ZNF774: variants seen among roughly 807,000 people sequenced by gnomAD.
ZNF774 encodes the protein zinc finger protein 774.
In ZNF774, 14 loss-of-function variants were observed where a neutral mutation model predicts 11.1. That is an observed-to-expected ratio of 1.26 (90% CI 0.83 to 1.97). ZNF774 has a LOEUF of 1.97. ZNF774 is among the 30% of genes most tolerant of loss of function. The pLI, the probability that ZNF774 is intolerant of heterozygous loss-of-function variation, is 0.00. For synonymous variants in ZNF774, 195 were observed against 212.6 expected (o/e 0.92, Z 0.72); for missense variants, 599 against 587.0 (o/e 1.02, Z -0.21).
At position 90,361,145 on chromosome 15, in the gene ZNF774, GA is replaced by G. The variant is rs1261643023; in HGVS notation, c.1315del (p.Thr439ProfsTer44). 6.2e-7 allele frequency: 1 copy of G among 1,613,880 alleles called. No individual in the cohort carries two copies. The highest frequency in any genetic ancestry group is 1.3e-5 in the African/African-American group (1 of 74,912). On this transcript the variant is annotated frameshift_variant, in exon 4 of 4. Coordinates refer to ENST00000354377, the MANE Select transcript of ZNF774 (RefSeq NM_001004309.3). LOFTEE classifies it low-confidence loss of function (END_TRUNC). ...RPYRCPECGKTFNQRSHFLTH... is the reference protein window; with the variant it reads ...RPYRCPECGKXFNQRSHFLTH... ...CCTATCGATGTCCTGAGTGTGGCAA[GA>G]CCTTCAATCAGCGTTCCCATTTCCT...
At chr15:90,356,879 A>T (rs1964256258) in intron 2 of ZNF774, among the ~76,000 whole-genome samples, 1 of 152,152 alleles carries the variant, frequency 6.6e-6, no homozygotes, top group African/African-American at 2.4e-5. Flanking sequence ...AGGCAGGAGG[A>T]TCCCTTCAGC....
rs1315637559 is a variant in ZNF774 at position 90,361,204 on chromosome 15, C to T, written c.1373C>T (p.Pro458Leu). ...CAGAGAACGCATACAGGAGAAAAAC[C>T]TTTCCACTGTAGTAAATGTAACAAG... Reference protein sequence around the residue: ...THQRTHTGEKPFHCSKCNKSF... With the variant: ...THQRTHTGEKLFHCSKCNKSF... Residue 458 changes from proline (P) to leucine (L), a missense_variant, in exon 4 of 4, where the codon CCT becomes CTT. Physicochemically the swap from Pro to Leu is moderately conservative, Grantham distance 98. Transcript: ENST00000354377. The T allele has an allele frequency of 3.1e-6, 5 of 1,613,994 alleles. No individual in the cohort carries two copies. The African/African-American group carries it at 5.3e-5, about 17-fold the overall frequency.
At chr15:90,358,380 G>T (rs187470204) in intron 2 of ZNF774, among the ~76,000 whole-genome samples, 1 of 152,294 alleles carries the variant, frequency 6.6e-6, no homozygotes, top group Non-Finnish European at 1.5e-5. Context: ...TTATAGTGAG[G>T]TTAAACATTT....
At position 90,360,987 on chromosome 15, in the gene ZNF774, G is replaced by A. The variant is rs530118133; in HGVS notation, c.1156G>A (p.Asp386Asn). The change falls in exon 4 of 4, where the codon GAC (aspartate) becomes AAC (asparagine). Residue 386 changes from aspartate (D) to asparagine (N), a missense_variant. Transcript: ENST00000354377. ...KCENCGKGFA[D>N]SSALIKHQRI... ...CGAAAACTGTGGGAAAGGATTCGCC[G>A]ACAGCTCCGCCCTCATTAAGCACCA... 8 of 1,614,078 alleles carry A rather than the reference G, an allele frequency of 5.0e-6. No homozygotes were observed. In the African/African-American group the frequency reaches 6.7e-5, roughly 13 times the overall value.
chr15:90,354,075 TAAAA>T (rs11333989), intron 1 of ZNF774, among the ~76,000 whole-genome samples: 26 of 150,870 alleles, frequency 1.7e-4, no homozygotes, highest in Admixed American at 4.6e-4. Flanking sequence ...TTCTTTTTTT[TAAAA>T]AAAAAATGTC....
chr15:90,352,502 G>T (rs1964187119), intron 1 of ZNF774, 91 bp downstream of exon 1: 1 of 152,446 alleles, frequency 6.6e-6, no homozygotes, highest in African/African-American at 2.4e-5. Flanking sequence ...CGTTTTCTCA[G>T]CGGGGTTCCC....
Position 90,361,250 on chromosome 15 carries a change from T to C in ZNF774, c.1419T>C (p.His473=), listed in dbSNP as rs1964332608. 6.2e-7 allele frequency: 1 copy of C among 1,608,504 alleles called. No individual in the cohort carries two copies. Among genetic ancestry groups the C allele is most frequent in the Non-Finnish European group, 8.5e-7 (1 of 1,176,782 alleles). Residue 473 remains histidine (H), a synonymous_variant, in exon 4 of 4, where the codon CAT becomes CAC. Coordinates refer to ENST00000354377, the MANE Select transcript of ZNF774 (RefSeq NM_001004309.3). The part of the protein sequence containing the change: ...KCNKSFRQKA[H]LLCHQNTHLI ...ACAAGAGCTTCCGTCAGAAAGCGCA[T>C]CTTTTATGCCATCAAAACACCCATT...
Position 90,354,570 on chromosome 15 carries a change from A to C in ZNF774, c.-19-72A>C, listed in dbSNP as rs1447180765. The C allele has an allele frequency of 1.2e-5, 13 of 1,057,924 alleles. No homozygotes were observed. The Admixed American group carries it at 1.8e-4, about 15-fold the overall frequency. 65.5% of individuals were successfully genotyped at this position (1,057,924 alleles called of 1,614,324 possible). A position where few individuals can be genotyped will look rare whatever the true frequency, so the allele number is the denominator to read the frequency against. Reference sequence around the variant, plus strand: ...GGGTTGTTTGTGTACACTGGTGGCCATTTTTTGGCTTTCAGACAATGGTGA... The same window carrying C: ...GGGTTGTTTGTGTACACTGGTGGCCCTTTTTTGGCTTTCAGACAATGGTGA... On this transcript the variant is annotated intron_variant, in intron 1 of 3. Transcript: ENST00000354377.
Position 90,361,499 on chromosome 15 carries a change from T to C in ZNF774, c.*216T>C, listed in dbSNP as rs1250749016. 1 of 1,326,430 alleles carries C rather than the reference T, an allele frequency of 7.5e-7. No individual in the cohort carries two copies. The highest frequency in any genetic ancestry group is 1.5e-5 in the African/African-American group (1 of 67,968). The allele number at this position is 1,326,430 out of a possible 1,614,324, so 82.2% of individuals were successfully genotyped here. A position where few individuals can be genotyped will look rare whatever the true frequency, so the allele number is the denominator to read the frequency against. ...CATTCCTTCAGTGTGTGACTGACTCTTAGGGAAATGTGAGTTTAATAGTTG... is the reference window on the plus strand; with the variant it reads ...CATTCCTTCAGTGTGTGACTGACTCCTAGGGAAATGTGAGTTTAATAGTTG... On this transcript the variant is annotated 3_prime_UTR_variant, in exon 4 of 4. Coordinates refer to ENST00000354377, the MANE Select transcript of ZNF774 (RefSeq NM_001004309.3).
intron 2 of ZNF774, among the ~76,000 whole-genome samples, chr15:90,356,974 T>C (rs1964257655): frequency 6.6e-6 from 1 of 151,266 alleles, no homozygotes; most frequent in African/African-American, 2.5e-5. Flanking sequence ...CACCAGGTTG[T>C]GATAAACATC....
Position 90,360,905 on chromosome 15 carries a change from G to C in ZNF774, c.1074G>C (p.Gln358His), listed in dbSNP as rs1394724449. The change falls in exon 4 of 4, where the codon CAG (glutamine) becomes CAC (histidine). Residue 358 changes from glutamine to histidine, a missense_variant. Physicochemically the swap from Gln to His is conservative, Grantham distance 24. Coordinates refer to ENST00000354377, the MANE Select transcript of ZNF774 (RefSeq NM_001004309.3). ...SCPDCHKSFS[Q>H]SSHLVTHQRT... ...CTGACTGCCACAAAAGCTTCAGTCA[G>C]AGCTCACATTTGGTCACGCACCAAA... 1 of 1,614,088 alleles carries C rather than the reference G, an allele frequency of 6.2e-7. No individual in the cohort carries two copies.
chr15:90,359,114 G>A (rs547057122), intron 3 of ZNF774, among the ~76,000 whole-genome samples, 157 bp downstream of exon 3: 16 of 143,816 alleles, frequency 1.1e-4, no homozygotes, highest in Admixed American at 9.3e-4. Context: ...CGCCCAGGCC[G>A]GACTGCGGAC....
At chr15:90,353,788 G>A (rs527727465) in intron 1 of ZNF774, among the ~76,000 whole-genome samples, 88 of 152,184 alleles carry the variant, frequency 5.8e-4, no homozygotes, top group South Asian at 3.9e-3. Flanking sequence ...TGTAGAGAAA[G>A]AGGTCTCAAT....
intron 1 of ZNF774, 176 bp from the exon 2 acceptor site, chr15:90,354,466 G>A (rs80040511): frequency 0.015 from 8,701 of 566,404 alleles, 362 homozygotes; most frequent in East Asian, 0.13. Flanking sequence ...AGGAGAAGAC[G>A]TATGTAAAAA....
At chr15:90,358,497 C>T (rs1384303282) in intron 2 of ZNF774, among the ~76,000 whole-genome samples, 1 of 152,122 alleles carries the variant, frequency 6.6e-6, no homozygotes, top group Non-Finnish European at 1.5e-5. Flanking sequence ...AGTTAACTTC[C>T]TTCATTGTTT....
intron 1 of ZNF774, among the ~76,000 whole-genome samples, chr15:90,354,232 T>C (rs1964213825): frequency 6.6e-6 from 1 of 152,198 alleles, no homozygotes; most frequent in Non-Finnish European, 1.5e-5. Context: ...CCATAACTAA[T>C]ATGAGTATAG....
rs59687959 is a variant in ZNF774 at position 90,362,748 on chromosome 15, TACACACACACAC to T, written c.*1492_*1503del. The T allele has an allele frequency of 5.9e-3, 2,859 of 488,650 alleles. 8 individuals carry two copies. Among genetic ancestry groups the T allele is most frequent in the African/African-American group, 0.022 (1,112 of 50,656 alleles). 30.3% of individuals were successfully genotyped at this position (488,650 alleles called of 1,614,324 possible). On this transcript the variant is annotated 3_prime_UTR_variant, in exon 4 of 4. Transcript: ENST00000354377. ...CAAGGTTGTTGTGAGGATCTAAAAA[TACACACACACAC>T]ACACACACACACACACACACACACA...
In ZNF774 at chr15:90,361,496, C is replaced by T; in HGVS notation, c.*213C>T. The T allele has an allele frequency of 7.5e-7, 1 of 1,331,398 alleles. No individual in the cohort carries two copies. Among genetic ancestry groups the T allele is most frequent in the Non-Finnish European group, 9.6e-7 (1 of 1,042,914 alleles). The allele number at this position is 1,331,398 out of a possible 1,614,324, so 82.5% of individuals were successfully genotyped here. On this transcript the variant is annotated 3_prime_UTR_variant, in exon 4 of 4. Coordinates refer to ENST00000354377, the MANE Select transcript of ZNF774 (RefSeq NM_001004309.3). ...AGGCATTCCTTCAGTGTGTGACTGACTCTTAGGGAAATGTGAGTTTAATAG... is the reference window on the plus strand; with the variant it reads ...AGGCATTCCTTCAGTGTGTGACTGATTCTTAGGGAAATGTGAGTTTAATAG...
At chr15:90,354,604 A>G in intron 1 of ZNF774, 38 bp from the exon 2 acceptor site, 1 of 1,361,770 alleles carries the variant, frequency 7.3e-7, no homozygotes, top group Non-Finnish European at 1.0e-6. Context: ...GAGAATATCT[A>G]GGGAGCTACT....
Sources: allele counts gnomAD v4.1 joint callset (sites outside exome capture counted in the v4.1 genomes callset), GRCh38; gene constraint gnomAD v4.1.1; transcripts MANE v1.5; gene names NCBI Gene and HGNC (gene_info 2026-07-23, HGNC 2026-07-21).